PTK2: variants seen among roughly 807,000 people sequenced by gnomAD.
PTK2 encodes focal adhesion kinase 1.
Under a neutral mutation model 150.1 loss-of-function variants are expected in PTK2, and 45 were observed. The observed-to-expected ratio is 0.30, with a 90% CI of 0.24 to 0.38. PTK2 has a LOEUF of 0.38. Among genes scored for constraint, PTK2 ranks in the 10% least tolerant of loss-of-function variants. The pLI, the probability that PTK2 is intolerant of heterozygous loss-of-function variation, is 1.00. For synonymous variants in PTK2, 432 were observed against 449.2 expected (o/e 0.96, Z 0.48); for missense variants, 919 against 1,307.3 (o/e 0.70, Z 4.58).
chr8:140,821,876 T>C (rs1264873353), intron 8 of PTK2: 3 of 152,206 alleles, frequency 2.0e-5, no homozygotes, highest in African/African-American at 7.2e-5. Flanking sequence ...AAGGCTTGAC[T>C]ATAAAATGTA....
At chr8:140,712,553 A>AG (rs1044645068) in intron 23 of PTK2, among the ~76,000 whole-genome samples, 2 of 152,154 alleles carry the variant, frequency 1.3e-5, no homozygotes, top group African/African-American at 2.4e-5. Flanking sequence ...CATAGAATTA[A>AG]GGGGGGAAAA....
intron 14 of PTK2, among the ~76,000 whole-genome samples, chr8:140,775,447 T>G (rs1391882895): frequency 6.6e-6 from 1 of 152,154 alleles, no homozygotes; most frequent in East Asian, 1.9e-4. Flanking sequence ...ATCACGCCAC[T>G]GCACTCCAGT....
intron 4 of PTK2, among the ~76,000 whole-genome samples, chr8:140,875,494 A>G (rs913815989): frequency 1.3e-5 from 2 of 152,178 alleles, no homozygotes; most frequent in African/African-American, 4.8e-5. Flanking sequence ...GGAAGAGCAG[A>G]AGGAGATAAG....
At chr8:140,789,411 A>T (rs949580506) in intron 14 of PTK2, 63 bp downstream of exon 14, 25 of 1,483,208 alleles carry the variant, frequency 1.7e-5, no homozygotes, top group Middle Eastern at 1.7e-4. Context: ...CTAAAAATAG[A>T]CATCTATGAT....
chr8:140,922,981 A>G (rs1283080430), intron 2 of PTK2, among the ~76,000 whole-genome samples: 1 of 152,222 alleles, frequency 6.6e-6, no homozygotes, highest in Non-Finnish European at 1.5e-5. Flanking sequence ...GCAGTGACAG[A>G]GAGGATGAGA....
chr8:140,843,480 T>C (rs185482577), intron 7 of PTK2, among the ~76,000 whole-genome samples: 58 of 152,232 alleles, frequency 3.8e-4, no homozygotes, highest in Admixed American at 3.8e-3. Flanking sequence ...TAGAATACAA[T>C]TCACATTATT....
chr8:140,694,042 CTTT>C (rs797013196), intron 26 of PTK2, among the ~76,000 whole-genome samples: 3 of 136,968 alleles, frequency 2.2e-5, no homozygotes, highest in Non-Finnish European at 4.8e-5. Context: ...CTTTTCTTTT[CTTT>C]TTTTTTTTTT....
At chr8:140,800,653 G>A (rs559593692) in intron 11 of PTK2, 77 bp from the exon 12 acceptor site, 27 of 1,096,866 alleles carry the variant, frequency 2.5e-5, no homozygotes, top group Non-Finnish European at 3.8e-5. Context: ...TATGACATCA[G>A]ACATCTCTAT....
chr8:140,757,730 A>G (rs1440170849), intron 16 of PTK2, among the ~76,000 whole-genome samples: 1 of 152,158 alleles, frequency 6.6e-6, no homozygotes, highest in African/African-American at 2.4e-5. Context: ...TTCACCTGCT[A>G]CTATTCTAGT....
intron 31 of PTK2, among the ~76,000 whole-genome samples, chr8:140,661,470 C>G (rs1224971477): frequency 1.3e-5 from 2 of 152,124 alleles, no homozygotes; most frequent in African/African-American, 4.8e-5. Flanking sequence ...ACTGTGGAAG[C>G]AAACAAGGAA....
intron 10 of PTK2, among the ~76,000 whole-genome samples, chr8:140,815,550 C>T (rs907874688): frequency 6.6e-6 from 1 of 151,854 alleles, no homozygotes; most frequent in Non-Finnish European, 1.5e-5. Context: ...TGCCCATGTA[C>T]CCCTGAGCTT....
chr8:140,968,753 T>C (rs140583830), intron 1 of PTK2, among the ~76,000 whole-genome samples: 6 of 152,308 alleles, frequency 3.9e-5, no homozygotes, highest in Non-Finnish European at 5.9e-5. Context: ...TTGAGAAAAC[T>C]AATGGCTATC....
intron 3 of PTK2, among the ~76,000 whole-genome samples, chr8:140,881,383 A>AT (rs1282401370): frequency 1.3e-5 from 2 of 152,208 alleles, no homozygotes; most frequent in Admixed American, 6.5e-5. Flanking sequence ...ACTATAAAGG[A>AT]TGGAAGCTAG....
chr8:140,674,153 G>A (rs1225323862), intron 29 of PTK2, 145 bp downstream of exon 32: 1 of 837,504 alleles, frequency 1.2e-6, no homozygotes, highest in Admixed American at 1.7e-5. Flanking sequence ...CAGACCAATT[G>A]ACTCCTGGGT....
At chr8:140,729,623 T>C (rs747555140) in intron 22 of PTK2, among the ~76,000 whole-genome samples, 3 of 152,250 alleles carry the variant, frequency 2.0e-5, no homozygotes, top group Non-Finnish European at 2.9e-5. Context: ...ACTCAAACAA[T>C]GTAAGAAAAC....
chr8:140,686,872 G>T, intron 26 of PTK2, 178 bp from the exon 30 acceptor site: 1 of 608,722 alleles, frequency 1.6e-6, no homozygotes, highest in Non-Finnish European at 2.9e-6. Context: ...GCCTTGGGAA[G>T]AACTGCATTC....
intron 16 of PTK2, among the ~76,000 whole-genome samples, chr8:140,752,975 G>A (rs1157225315): frequency 6.6e-6 from 1 of 152,192 alleles, no homozygotes; most frequent in Non-Finnish European, 1.5e-5. Context: ...GACCACACAG[G>A]GCCTTCAAGG....
chr8:140,990,730 CTTG>C (rs941575449), intron 1 of PTK2, among the ~76,000 whole-genome samples: 2 of 152,142 alleles, frequency 1.3e-5, no homozygotes, highest in African/African-American at 4.8e-5. Context: ...TCTTCTCTAT[CTTG>C]TTAACTTTCA....
rs1005981600 is a variant in PTK2, at chr8:140,727,924, G to A, written c.2030+7327C>T. Among the ~76,000 whole-genome samples, 7 of 152,080 alleles carry A rather than the reference G, an allele frequency of 4.6e-5. No homozygotes were observed. The East Asian group carries it at 7.7e-4, about 17-fold the overall frequency. On this transcript the variant is annotated intron_variant, in intron 22 of 31. Coordinates refer to ENST00000522684, the Ensembl canonical transcript of PTK2. ...AAAGTAGAGAAAGACGGCCGGGCGC[G>A]GTGGCTCACACCTGTAATCCCAGCA...
Sources: gnomAD v4.1 joint callset for allele counts (sites outside exome capture counted in the v4.1 genomes callset) on GRCh38, gnomAD v4.1.1 for gene constraint, MANE v1.5 for transcripts, NCBI Gene and HGNC (gene_info 2026-07-23, HGNC 2026-07-21) for gene names.